PLCG2: variants seen among roughly 807,000 people sequenced by gnomAD.
The protein encoded by PLCG2 is phospholipase C gamma 2, also known as 1-phosphatidylinositol 4,5-bisphosphate phosphodiesterase gamma-2.
A neutral mutation model predicts 175.6 loss-of-function variants in PLCG2; 69 were observed. That is an observed-to-expected ratio of 0.39 (90% confidence interval 0.32 to 0.48). The LOEUF is 0.48. PLCG2 is among the 20% of genes least tolerant of loss of function. PLCG2 has a pLI of 0.91. For synonymous variants in PLCG2, 827 were observed against 624.0 expected, an observed-to-expected ratio of 1.33 and a Z score of -4.85; for missense variants, 1,798 against 1,650.9, an observed-to-expected ratio of 1.09 and a Z score of -1.54.
At chr16:81,794,107 G>C (rs981459263) in intron 2 of PLCG2, among the ~76,000 whole-genome samples, 5 of 152,152 alleles carry the variant, frequency 3.3e-5, no homozygotes, top group African/African-American at 1.2e-4. Context: ...GAGGTACCAA[G>C]AGAAAGGAGA....
intron 2 of PLCG2, among the ~76,000 whole-genome samples, chr16:81,850,762 C>T (rs1236543510): frequency 6.6e-6 from 1 of 152,170 alleles, no homozygotes; most frequent in Non-Finnish European, 1.5e-5. Flanking sequence ...TCCTGTGTTG[C>T]ATATCTCATT....
At chr16:81,923,368 C>G in intron 21 of PLCG2, 117 bp from the exon 22 acceptor site, 1 of 630,582 alleles carries the variant, frequency 1.6e-6, no homozygotes, top group Non-Finnish European at 2.8e-6. Flanking sequence ...ACTTTGTAAC[C>G]TTGGCCTGAA....
At chr16:81,850,739 A>C (rs1398786861) in intron 2 of PLCG2, among the ~76,000 whole-genome samples, 1 of 152,196 alleles carries the variant, frequency 6.6e-6, no homozygotes, top group East Asian at 1.9e-4. Context: ...GTGTAACAGC[A>C]TAGAGAGCTT....
intron 2 of PLCG2, among the ~76,000 whole-genome samples, chr16:81,800,814 C>G (rs1911686895): frequency 6.6e-6 from 1 of 151,994 alleles, no homozygotes; most frequent in Admixed American, 6.6e-5. Flanking sequence ...GCAGATTGAA[C>G]AGATCTTGAG....
chr16:81,933,727 C>A (rs369861250), intron 25 of PLCG2, among the ~76,000 whole-genome samples: 16 of 152,196 alleles, frequency 1.1e-4, no homozygotes, highest in Non-Finnish European at 2.2e-4. Flanking sequence ...AAGCACCCCC[C>A]AAACAGTCAC....
intron 30 of PLCG2, among the ~76,000 whole-genome samples, chr16:81,942,945 C>T (rs992329538): frequency 6.6e-6 from 1 of 151,398 alleles, no homozygotes; most frequent in Non-Finnish European, 1.5e-5. Context: ...ACAAGGAGGG[C>T]TGCCCAGTGC....
chr16:81,962,089 A>G lies in PLCG2; in HGVS notation c.*4091A>G, dbSNP rs530945260. On this transcript the variant is annotated 3_prime_UTR_variant, in exon 33 of 33. Coordinates refer to ENST00000564138, the MANE Select transcript of PLCG2 (RefSeq NM_002661.5). Reference sequence around the variant, plus strand: ...GTCGAAGAGGACGACCAACCCCGATAGAGGAGGACCGGTCTTCGGTCAAGG... The same window carrying G: ...GTCGAAGAGGACGACCAACCCCGATGGAGGAGGACCGGTCTTCGGTCAAGG... 1.7e-4 allele frequency: 32 copies of G among 186,194 alleles called. No individual in the cohort carries two copies. In the South Asian group the frequency reaches 4.1e-3, roughly 24 times the overall value. The allele number at this position is 186,194 out of a possible 1,614,324, so 11.5% of individuals were successfully genotyped here. A position where few individuals can be genotyped will look rare whatever the true frequency, so the allele number is the denominator to read the frequency against.
At chr16:81,923,458 C>T in intron 21 of PLCG2, 27 bp from the exon 22 acceptor site, 2 of 1,484,696 alleles carry the variant, frequency 1.3e-6, no homozygotes, top group South Asian at 2.3e-5. Flanking sequence ...CCTGGCCTGA[C>T]CTTTTCCTTC....
rs546834100 is a variant in PLCG2, at chr16:81,882,755, C to T, written c.693-514C>T. Among the ~76,000 whole-genome samples, 4 of 152,098 alleles carry T rather than the reference C, an allele frequency of 2.6e-5. No individual in the cohort carries two copies. In the South Asian group the frequency reaches 8.3e-4, roughly 32 times the overall value. On this transcript the variant is annotated intron_variant, in intron 8 of 32. Transcript: ENST00000564138. The stretch of plus-strand genomic sequence containing the variant: ...GCTCACCCCACCTCATTCTTGCTCA[C>T]CCCACCTCATTCTGGCTCACCCCAC...
upstream of PLCG2, among the ~76,000 whole-genome samples, chr16:81,776,304 T>C (rs1910405023): frequency 6.6e-6 from 1 of 151,296 alleles, no homozygotes; most frequent in South Asian, 2.1e-4. Flanking sequence ...AGAGACGGGT[T>C]TTCACCATGT....
chr16:81,846,207 G>A (rs1021795010), intron 2 of PLCG2, among the ~76,000 whole-genome samples: 1 of 145,622 alleles, frequency 6.9e-6, no homozygotes, highest in African/African-American at 2.5e-5. Context: ...TGTAAGCCAA[G>A]CCAATGACTG....
chr16:81,879,260 G>C (rs67600638), intron 7 of PLCG2, among the ~76,000 whole-genome samples: 47,203 of 152,008 alleles, frequency 0.31, 7,471 homozygotes, highest in South Asian at 0.34. Context: ...GCCTTCAGCA[G>C]CAGGCTGACT....
chr16:81,817,657 A>G (rs1904610273), intron 2 of PLCG2, among the ~76,000 whole-genome samples: 1 of 152,194 alleles, frequency 6.6e-6, no homozygotes, highest in South Asian at 2.1e-4. Flanking sequence ...ATTTATTTTT[A>G]AAATTTCAAG....
chr16:81,950,432 A>G (rs181683870), intron 31 of PLCG2, among the ~76,000 whole-genome samples: 81 of 152,362 alleles, frequency 5.3e-4, no homozygotes, highest in African/African-American at 1.9e-3. Flanking sequence ...AAATTCCTAC[A>G]TATACAAAGA....
chr16:81,875,609 T>C (rs1907742888), intron 7 of PLCG2, among the ~76,000 whole-genome samples: 2 of 152,224 alleles, frequency 1.3e-5, no homozygotes, highest in South Asian at 4.1e-4. Flanking sequence ...TCTCACACTT[T>C]GCAGCAGACA....
intron 4 of PLCG2, 98 bp from the exon 5 acceptor site, chr16:81,859,018 C>G (rs1163966357): frequency 1.4e-6 from 1 of 710,670 alleles, no homozygotes; most frequent in Non-Finnish European, 2.4e-6. Flanking sequence ...CCTTTTGGTT[C>G]CAGTTCCTTT....
chr16:81,897,223 G>T (rs1908932529), intron 13 of PLCG2, among the ~76,000 whole-genome samples: 1 of 152,256 alleles, frequency 6.6e-6, no homozygotes, highest in Non-Finnish European at 1.5e-5. Context: ...GAGCTGGCAA[G>T]AGGCCTTCTA....
At chr16:81,758,204 C>G (rs1909968830) in intron 2 of PLCG2, among the ~76,000 whole-genome samples, 1 of 152,124 alleles carries the variant, frequency 6.6e-6, no homozygotes, top group Non-Finnish European at 1.5e-5. Flanking sequence ...TTTCAAAGTC[C>G]TGGGCTCAAG....
chr16:81,874,001 C>G (rs58245322), intron 7 of PLCG2, among the ~76,000 whole-genome samples: 2,300 of 152,226 alleles, frequency 0.015, 63 homozygotes, highest in African/African-American at 0.051. Flanking sequence ...CTCTGGGGTG[C>G]CCTAGATTGC....
Sources: allele counts gnomAD v4.1 joint callset (sites outside exome capture counted in the v4.1 genomes callset), GRCh38; gene constraint gnomAD v4.1.1; transcripts MANE v1.5; gene names NCBI Gene and HGNC (gene_info 2026-07-23, HGNC 2026-07-21).